The following RGPD3 variants were observed in gnomAD, a reference collection of about 807,000 sequenced individuals.
RGPD3 encodes ranBP2-like and GRIP domain-containing protein 3.
A neutral mutation model predicts 154.5 loss-of-function variants in RGPD3; 62 were observed. The ratio of observed to expected loss-of-function variants is 0.40; its 90% CI spans 0.33 to 0.50. The LOEUF is 0.50. RGPD3 is among the 20% of genes least tolerant of loss of function. RGPD3 has a pLI of 0.59. For missense variants in RGPD3, 919 were observed against 1,716.8 expected, an observed-to-expected ratio of 0.54 and a Z score of 8.21; for synonymous variants, 308 against 607.0, an observed-to-expected ratio of 0.51 and a Z score of 7.24.
intron 22 of RGPD3, among the ~76,000 whole-genome samples, chr2:106,410,032 C>A (rs1454263381): frequency 1.3e-5 from 2 of 151,738 alleles, no homozygotes; most frequent in Non-Finnish European, 2.9e-5. Context: ...TGCACCACCA[C>A]GCCCAGCTAA....
chr2:106,444,969 CACAG>C (rs1677862031), intron 7 of RGPD3, among the ~76,000 whole-genome samples: 1 of 133,378 alleles, frequency 7.5e-6, no homozygotes, highest in South Asian at 2.6e-4. Flanking sequence ...CTAATAGACA[CACAG>C]ACAGATAAAT....
chr2:106,449,910 G>A (rs1378913321), intron 6 of RGPD3, among the ~76,000 whole-genome samples: 9 of 151,192 alleles, frequency 6.0e-5, no homozygotes, highest in Non-Finnish European at 1.3e-4. Flanking sequence ...CCAGCTACTC[G>A]GGAGGCTGAG....
chr2:106,434,411 T>C, intron 14 of RGPD3, 37 bp from the exon 15 acceptor site: 1 of 1,608,002 alleles, frequency 6.2e-7, no homozygotes, highest in Non-Finnish European at 8.5e-7. Context: ...CATTAGCTTT[T>C]TAAAACAAAA....
chr2:106,436,463 G>A lies in RGPD3; in HGVS notation c.1585C>T (p.Gln529Ter). The A allele has an allele frequency of 6.2e-7, 1 of 1,609,168 alleles. No individual in the cohort carries two copies. ...PVCKQLCTER[Q>*]KSWWDAVCTL... ...CAAACCGCATCCCACCAAGATTTTT[G>A]TCTTTCTGTACAAAGCTGTTTACAC... Residue 529 changes from glutamine (Q) to a stop codon, truncating the protein, a stop_gained, in exon 11 of 23, where the codon CAA becomes TAA. Transcript: ENST00000409886. LOFTEE classifies it high-confidence loss of function.
At chr2:106,437,855 TG>T (rs1677613185) in intron 9 of RGPD3, among the ~76,000 whole-genome samples, 1 of 152,136 alleles carries the variant, frequency 6.6e-6, no homozygotes, top group African/African-American at 2.4e-5. Context: ...AGAGAATTCA[TG>T]AAGGAAGCAA....
chr2:106,409,858 A>G (rs1573237002), intron 22 of RGPD3, among the ~76,000 whole-genome samples: 2 of 113,476 alleles, frequency 1.8e-5, no homozygotes, highest in Admixed American at 1.7e-4. Context: ...CTTTTGAACT[A>G]TCTTGTAGTT....
At chr2:106,448,938 G>A (rs1372093344) in intron 6 of RGPD3, among the ~76,000 whole-genome samples, 2 of 150,934 alleles carry the variant, frequency 1.3e-5, no homozygotes, top group African/African-American at 2.4e-5. Context: ...TGATCCACCC[G>A]CCTTGGCCTC....
chr2:106,437,511 CA>C (rs1040398152), intron 9 of RGPD3, among the ~76,000 whole-genome samples: 1 of 150,102 alleles, frequency 6.7e-6, no homozygotes, highest in East Asian at 2.0e-4. Context: ...GACTCTGTCT[CA>C]AAAAAAAGAA....
chr2:106,416,227 C>A (rs2104448463), intron 20 of RGPD3, among the ~76,000 whole-genome samples: 1 of 147,516 alleles, frequency 6.8e-6, no homozygotes, highest in African/African-American at 2.5e-5. Flanking sequence ...CCTATGAGTC[C>A]CAGTTCTGAA....
In RGPD3 at chr2:106,413,094, C is replaced by T. The variant is rs919939501; in HGVS notation, c.5256G>A (p.Ala1752=). The T allele has an allele frequency of 1.3e-5, 21 of 1,610,266 alleles. No homozygotes were observed. The highest frequency in any genetic ancestry group is 8.4e-5 in the Admixed American group (5 of 59,810). Reference sequence around the variant, plus strand: ...TCTCCTTTTACCCACCTTGAGCAACCGCAGCAAGTTTTCCCTTTTCTTCAA... The same window carrying T: ...TCTCCTTTTACCCACCTTGAGCAACTGCAGCAAGTTTTCCCTTTTCTTCAA... ...LSLEEKGKLA[A]VAQGEE is the part of the protein sequence containing the mutation. Residue 1752 remains alanine, a synonymous_variant, in exon 22 of 23, where the codon GCG becomes GCA. Transcript: ENST00000409886.
chr2:106,450,570 G>T (rs1475370192), intron 6 of RGPD3, among the ~76,000 whole-genome samples: 1 of 132,614 alleles, frequency 7.5e-6, no homozygotes, highest in Non-Finnish European at 1.6e-5. Context: ...CCCTCCTGGG[G>T]CTTCCTGGTG....
intron 1 of RGPD3, among the ~76,000 whole-genome samples, chr2:106,466,316 G>T (rs1447008934): frequency 6.6e-6 from 1 of 150,984 alleles, no homozygotes; most frequent in Non-Finnish European, 1.5e-5. Flanking sequence ...AGCGCGCCAG[G>T]GAGCAGCGCC....
At chr2:106,467,751 G>GC (rs1237103950) in intron 1 of RGPD3, among the ~76,000 whole-genome samples, 1 of 139,872 alleles carries the variant, frequency 7.1e-6, no homozygotes, top group African/African-American at 2.8e-5. Context: ...AGGGAGCAGC[G>GC]CCCGTCGGGA....
At chr2:106,429,982 C>T (rs1192092675) in intron 17 of RGPD3, among the ~76,000 whole-genome samples, 1 of 152,066 alleles carries the variant, frequency 6.6e-6, no homozygotes, top group Non-Finnish European at 1.5e-5. Flanking sequence ...CTCCTGGGCT[C>T]AAGCAATTCT....
chr2:106,468,648 A>G (rs1678727800), upstream of RGPD3, among the ~76,000 whole-genome samples: 1 of 152,072 alleles, frequency 6.6e-6, no homozygotes, highest in South Asian at 2.1e-4. Context: ...TCTACTAAAA[A>G]TACAAAAATT....
intron 1 of RGPD3, among the ~76,000 whole-genome samples, chr2:106,465,668 A>G (rs1362030633): frequency 6.6e-6 from 1 of 151,966 alleles, no homozygotes; most frequent in African/African-American, 2.4e-5. Flanking sequence ...ATACCCTTAA[A>G]ACATTTGTGG....
intron 6 of RGPD3, among the ~76,000 whole-genome samples, chr2:106,449,453 C>G (rs1343574946): frequency 2.6e-5 from 1 of 38,194 alleles, no homozygotes; most frequent in South Asian, 7.8e-4. Flanking sequence ...GCAACAAGAG[C>G]AAAACTCTGT....
At chr2:106,461,584 C>G (rs537072528) in intron 1 of RGPD3, among the ~76,000 whole-genome samples, 1 of 150,906 alleles carries the variant, frequency 6.6e-6, no homozygotes, top group Non-Finnish European at 1.5e-5. Context: ...CCACGGGTGA[C>G]GCAGGTAAGT....
intron 15 of RGPD3, 94 bp downstream of exon 15, chr2:106,434,134 G>A: frequency 1.9e-6 from 3 of 1,597,866 alleles, no homozygotes; most frequent in Non-Finnish European, 2.6e-6. Context: ...ATATTACTGA[G>A]TATTTTTTGA....
Sources: gnomAD v4.1 joint callset for allele counts (sites outside exome capture counted in the v4.1 genomes callset) on GRCh38, gnomAD v4.1.1 for gene constraint, MANE v1.5 for transcripts, NCBI Gene and HGNC (gene_info 2026-07-23, HGNC 2026-07-21) for gene names.